Variants in ATG10 observed in about 807,000 individuals in gnomAD.
The protein encoded by ATG10 is autophagy related 10, also known as ubiquitin-like-conjugating enzyme ATG10.
ATG10 carries 30 observed loss-of-function variants against 32.1 expected under a neutral mutation model. The ratio of observed to expected loss-of-function variants is 0.94; its 90% CI spans 0.70 to 1.27. The LOEUF (loss-of-function observed/expected upper bound fraction) is 1.27. Among genes scored for constraint, ATG10 ranks in the 50% most tolerant of loss-of-function variants. ATG10 has a pLI of 0.00. For missense variants in ATG10, 233 were observed against 262.3 expected, an observed-to-expected ratio of 0.89 and a Z score of 0.77; for synonymous variants, 87 against 91.5, an observed-to-expected ratio of 0.95 and a Z score of 0.28.
At chr5:82,016,799 C>G (rs931573436) in intron 2 of ATG10, among the ~76,000 whole-genome samples, 2 of 152,058 alleles carry the variant, frequency 1.3e-5, no homozygotes, top group Non-Finnish European at 2.9e-5. Flanking sequence ...CACCATTCTC[C>G]TGCCTCAGCC....
At chr5:82,240,949 T>G (rs898889491) in intron 5 of ATG10, among the ~76,000 whole-genome samples, 1 of 152,218 alleles carries the variant, frequency 6.6e-6, no homozygotes, top group Non-Finnish European at 1.5e-5. Flanking sequence ...TTCAGCAACT[T>G]TCATGACAGC....
In ATG10 at chr5:82,033,761, T is replaced by C. The variant is rs548677924; in HGVS notation, c.109-24734T>C. 1.2e-3 allele frequency among the ~76,000 whole-genome samples: 180 copies of C among 147,836 alleles called. 2 individuals are homozygous for C. Among genetic ancestry groups the C allele is most frequent in the Admixed American group, 2.3e-3 (35 of 14,910 alleles). On this transcript the variant is annotated intron_variant, in intron 2 of 7. Coordinates refer to ENST00000282185, the MANE Select transcript of ATG10 (RefSeq NM_031482.5). Reference sequence around the variant, plus strand: ...ACACACACACACACACACACACACATATGTGTGTATATATACGTGTATGTT... The same window carrying C: ...ACACACACACACACACACACACACACATGTGTGTATATATACGTGTATGTT...
chr5:82,141,946 G>A (rs188459049), intron 3 of ATG10, among the ~76,000 whole-genome samples: 8 of 151,942 alleles, frequency 5.3e-5, no homozygotes, highest in South Asian at 2.1e-4. Context: ...GCCCTGTCAC[G>A]TTAGCCTATT....
At chr5:82,035,949 T>G (rs1017367342) in intron 2 of ATG10, among the ~76,000 whole-genome samples, 3 of 152,040 alleles carry the variant, frequency 2.0e-5, no homozygotes, top group African/African-American at 4.8e-5. Flanking sequence ...TTTTGCTCAG[T>G]GGCTTTGGGT....
At chr5:82,029,512 T>G (rs1762685635) in intron 2 of ATG10, among the ~76,000 whole-genome samples, 1 of 152,158 alleles carries the variant, frequency 6.6e-6, no homozygotes, top group South Asian at 2.1e-4. Flanking sequence ...GGTCCCAAAT[T>G]CAGCAGCTTA....
chr5:82,174,838 G>C (rs992332960), intron 4 of ATG10, among the ~76,000 whole-genome samples: 5 of 152,170 alleles, frequency 3.3e-5, no homozygotes, highest in Admixed American at 1.3e-4. Flanking sequence ...GCCAAACACA[G>C]AACTTCAATA....
At chr5:82,116,658 A>C (rs1765820014) in intron 3 of ATG10, among the ~76,000 whole-genome samples, 1 of 152,114 alleles carries the variant, frequency 6.6e-6, no homozygotes, top group African/African-American at 2.4e-5. Context: ...GGACCTAATT[A>C]TTTAAAAGCA....
In ATG10 at chr5:82,187,850, A is replaced by G. The variant is rs1448818989; in HGVS notation, c.453+9263A>G. ...TGATCCACCCACCTCGGCCTCCCAA[A>G]GTGCTGGGATTACAGGCATGAGCCA... is the stretch of plus-strand genomic sequence containing the variant. On this transcript the variant is annotated intron_variant, in intron 5 of 7. Coordinates refer to ENST00000282185, the MANE Select transcript of ATG10 (RefSeq NM_031482.5). Among the ~76,000 whole-genome samples the G allele has an allele frequency of 3.3e-5, 5 of 152,152 alleles. No homozygotes were observed. In the East Asian group the frequency reaches 9.7e-4, roughly 30 times the overall value.
intron 4 of ATG10, among the ~76,000 whole-genome samples, chr5:82,172,943 T>G (rs1178222825): frequency 2.0e-5 from 3 of 152,230 alleles, no homozygotes; most frequent in Non-Finnish European, 2.9e-5. Context: ...AAAAATGAAT[T>G]TTCCCCTTTG....
chr5:82,069,413 A>G (rs1764051069), intron 3 of ATG10, among the ~76,000 whole-genome samples: 1 of 152,248 alleles, frequency 6.6e-6, no homozygotes, highest in Non-Finnish European at 1.5e-5. Context: ...ATCCACTAAT[A>G]CCTGAAATGC....
chr5:82,185,107 T>C (rs1744398356), intron 5 of ATG10, among the ~76,000 whole-genome samples: 1 of 152,244 alleles, frequency 6.6e-6, no homozygotes, highest in Non-Finnish European at 1.5e-5. Context: ...TGCACACACA[T>C]GAGCACGTAC....
chr5:82,170,922 C>T (rs1435756128), intron 4 of ATG10, among the ~76,000 whole-genome samples: 2 of 151,992 alleles, frequency 1.3e-5, no homozygotes, highest in East Asian at 1.9e-4. Flanking sequence ...AGTGACAGAG[C>T]GAGACTCTGT....
chr5:82,170,063 G>C (rs937762283), intron 4 of ATG10, among the ~76,000 whole-genome samples: 1 of 152,132 alleles, frequency 6.6e-6, no homozygotes, highest in Non-Finnish European at 1.5e-5. Context: ...TAGCCAAAAG[G>C]TTTATTCTAA....
chr5:82,179,766 T>C (rs1274512686), intron 5 of ATG10, among the ~76,000 whole-genome samples: 1 of 152,136 alleles, frequency 6.6e-6, no homozygotes, highest in East Asian at 1.9e-4. Context: ...TTATCAGTTA[T>C]TAGAATTTTT....
At chr5:82,040,661 T>C (rs998282921) in intron 2 of ATG10, among the ~76,000 whole-genome samples, 2 of 152,190 alleles carry the variant, frequency 1.3e-5, no homozygotes, top group Non-Finnish European at 2.9e-5. Flanking sequence ...TACATTACAG[T>C]TTAATCAGGC....
intron 5 of ATG10, among the ~76,000 whole-genome samples, chr5:82,197,772 A>ATCTG: frequency 6.9e-6 from 1 of 144,458 alleles, no homozygotes; most frequent in South Asian, 2.2e-4. Context: ...CTATCTATCT[A>ATCTG]TCTCTATAGA....
intron 3 of ATG10, among the ~76,000 whole-genome samples, chr5:82,122,738 G>A (rs560771408): frequency 6.6e-6 from 1 of 152,270 alleles, no homozygotes; most frequent in South Asian, 2.1e-4. Flanking sequence ...CATACATGTG[G>A]CCAACATGCA....
chr5:82,030,763 G>A (rs1005320249), intron 2 of ATG10, among the ~76,000 whole-genome samples: 10 of 152,102 alleles, frequency 6.6e-5, no homozygotes, highest in South Asian at 2.1e-4. Context: ...TAATCCCTAC[G>A]TGACAGCCTG....
intron 2 of ATG10, among the ~76,000 whole-genome samples, chr5:81,993,935 A>G (rs1313468561): frequency 6.6e-6 from 1 of 152,196 alleles, no homozygotes; most frequent in East Asian, 1.9e-4. Context: ...AGGGGGAGCC[A>G]AAGAAGGAGA....
Sources: allele counts gnomAD v4.1 joint callset (sites outside exome capture counted in the v4.1 genomes callset), GRCh38; gene constraint gnomAD v4.1.1; transcripts MANE v1.5; gene names NCBI Gene and HGNC (gene_info 2026-07-23, HGNC 2026-07-21).